PTPRD: variants seen among roughly 807,000 people sequenced by gnomAD.
PTPRD encodes receptor-type tyrosine-protein phosphatase delta.
In PTPRD, 34 loss-of-function variants were observed where a neutral mutation model predicts 214.5. That is an observed-to-expected ratio of 0.16 (90% CI 0.12 to 0.21). The LOEUF (loss-of-function observed/expected upper bound fraction) is 0.21. Ranked by LOEUF, PTPRD falls within the 10% of genes least tolerant of loss-of-function variation. The probability of loss-of-function intolerance (pLI) is 1.00; values close to 1 mark genes in which losing one functional copy is unlikely to be tolerated. For missense variants in PTPRD, 2,545 were observed against 2,398.7 expected (o/e 1.06, Z -1.27); for synonymous variants, 1,128 against 845.7 (o/e 1.33, Z -5.79).
intron 10 of PTPRD, among the ~76,000 whole-genome samples, chr9:9,106,972 G>C (rs1041220637): frequency 2.0e-5 from 3 of 152,154 alleles, no homozygotes; most frequent in Admixed American, 2.0e-4. Flanking sequence ...AGGACAGCTA[G>C]CATTTTAAAA....
intron 9 of PTPRD, among the ~76,000 whole-genome samples, chr9:9,191,050 C>T (rs1311969475): frequency 6.6e-6 from 1 of 152,082 alleles, no homozygotes; most frequent in Non-Finnish European, 1.5e-5. Context: ...AGGCTGGACC[C>T]AGTGGCTTGT....
intron 11 of PTPRD, among the ~76,000 whole-genome samples, chr9:8,979,413 T>C (rs1417512336): frequency 6.6e-6 from 1 of 152,102 alleles, no homozygotes; most frequent in African/African-American, 2.4e-5. Flanking sequence ...CAGAAGTTTC[T>C]TCACAACAAA....
intron 11 of PTPRD, among the ~76,000 whole-genome samples, chr9:8,838,169 A>C (rs2097478831): frequency 6.6e-6 from 1 of 152,168 alleles, no homozygotes; most frequent in South Asian, 2.1e-4. Flanking sequence ...TGTATAAAAA[A>C]ATTAAGAAGA....
chr9:10,189,397 CAGAGTAG>C (rs1210217730), intron 3 of PTPRD, among the ~76,000 whole-genome samples: 1 of 152,114 alleles, frequency 6.6e-6, no homozygotes, highest in Non-Finnish European at 1.5e-5. Flanking sequence ...ACGGGGCTAT[CAGAGTAG>C]AAAGAGTTGG....
chr9:9,005,993 T>C (rs1567542379), intron 11 of PTPRD, among the ~76,000 whole-genome samples: 2 of 152,036 alleles, frequency 1.3e-5, no homozygotes, highest in Non-Finnish European at 2.9e-5. Context: ...CCTGTCTGAA[T>C]AGCCTGGATT....
intron 8 of PTPRD, among the ~76,000 whole-genome samples, chr9:9,418,717 T>C (rs1012252593): frequency 6.6e-6 from 1 of 152,000 alleles, no homozygotes; most frequent in Admixed American, 6.6e-5. Flanking sequence ...ATCCATTTAC[T>C]GTCTATACAA....
intron 2 of PTPRD, among the ~76,000 whole-genome samples, chr9:10,358,563 C>A (rs1397979685): frequency 6.6e-6 from 1 of 151,792 alleles, no homozygotes; most frequent in Non-Finnish European, 1.5e-5. Flanking sequence ...AGATTTATGT[C>A]TCTTAGCATC....
intron 7 of PTPRD, among the ~76,000 whole-genome samples, chr9:9,669,265 G>C (rs2154385268): frequency 6.6e-6 from 1 of 152,256 alleles, no homozygotes; most frequent in Non-Finnish European, 1.5e-5. Flanking sequence ...AACCTCTACA[G>C]TTGGCGAGAT....
At chr9:8,773,323 C>A (rs148010987) in intron 11 of PTPRD, among the ~76,000 whole-genome samples, 150 of 152,246 alleles carry the variant, frequency 9.9e-4, no homozygotes, top group Middle Eastern at 6.8e-3. Flanking sequence ...TTAGCCTACC[C>A]AGACACTCGG....
At chr9:8,864,262 A>G (rs2098156927) in intron 11 of PTPRD, among the ~76,000 whole-genome samples, 1 of 152,220 alleles carries the variant, frequency 6.6e-6, no homozygotes, top group East Asian at 1.9e-4. Context: ...TTTAAGAGAA[A>G]GATACAAAAG....
chr9:10,588,451 C>G (rs902391970), intron 2 of PTPRD, among the ~76,000 whole-genome samples: 1 of 151,642 alleles, frequency 6.6e-6, no homozygotes, highest in Admixed American at 6.6e-5. Context: ...CACACACACA[C>G]ACACTCACAA....
At chr9:8,489,892 G>C (rs1460370370) in intron 27 of PTPRD, among the ~76,000 whole-genome samples, 1 of 152,180 alleles carries the variant, frequency 6.6e-6, no homozygotes. Context: ...TTGTACACTG[G>C]CACACAGGTA....
At chr9:9,557,491 A>T (rs1569569252) in intron 8 of PTPRD, among the ~76,000 whole-genome samples, 1 of 152,320 alleles carries the variant, frequency 6.6e-6, no homozygotes, top group East Asian at 1.9e-4. Flanking sequence ...TCTCGGGAGA[A>T]AAAAATCTAC....
chr9:10,492,322 C>T (rs2040569092), intron 2 of PTPRD, among the ~76,000 whole-genome samples: 1 of 151,930 alleles, frequency 6.6e-6, no homozygotes, highest in South Asian at 2.1e-4. Context: ...ATTTACTCCC[C>T]CCACCAACAG....
chr9:10,001,193 G>T (rs759823083), intron 4 of PTPRD, among the ~76,000 whole-genome samples: 2 of 152,100 alleles, frequency 1.3e-5, no homozygotes, highest in African/African-American at 2.4e-5. Context: ...CCAGTCACCG[G>T]ATCTGTATCA....
chr9:9,857,382 G>A (rs549004645), intron 5 of PTPRD, among the ~76,000 whole-genome samples: 1 of 152,270 alleles, frequency 6.6e-6, no homozygotes, highest in African/African-American at 2.4e-5. Context: ...TCATTGGAAT[G>A]GAGCCCTGAG....
intron 9 of PTPRD, among the ~76,000 whole-genome samples, chr9:9,306,131 T>C (rs928697444): frequency 7.9e-5 from 12 of 152,154 alleles, no homozygotes; most frequent in African/African-American, 2.7e-4. Flanking sequence ...ACCTTGGCAG[T>C]TGCCTTTGGC....
At chr9:10,409,540 A>T (rs1439048846) in intron 2 of PTPRD, among the ~76,000 whole-genome samples, 3 of 151,752 alleles carry the variant, frequency 2.0e-5, no homozygotes, top group Non-Finnish European at 4.4e-5. Flanking sequence ...TCACTTTTAA[A>T]AATTTATCTC....
At chr9:9,355,467 G>C (rs2053407838) in intron 9 of PTPRD, among the ~76,000 whole-genome samples, 1 of 151,644 alleles carries the variant, frequency 6.6e-6, no homozygotes, top group Admixed American at 6.6e-5. Context: ...TCATGAATAA[G>C]ATAAAGAGTG....
Sources: allele counts gnomAD v4.1 joint callset (sites outside exome capture counted in the v4.1 genomes callset), GRCh38; gene constraint gnomAD v4.1.1; transcripts MANE v1.5; gene names NCBI Gene and HGNC (gene_info 2026-07-23, HGNC 2026-07-21).